Variants in RERE observed in about 807,000 individuals in gnomAD.
RERE encodes the protein arginine-glutamic acid dipeptide repeats.
A neutral mutation model predicts 146.1 loss-of-function variants in RERE; 40 were observed. The observed-to-expected ratio is 0.27, with a 90% CI of 0.21 to 0.36. The LOEUF is 0.36. Among genes scored for constraint, RERE ranks in the 10% least tolerant of loss-of-function variants. The pLI is 1.00. For missense variants in RERE, 1,933 were observed against 2,138.7 expected (o/e 0.90, Z 1.90); for synonymous variants, 1,003 against 866.0 (o/e 1.16, Z -2.78).
chr1:8,451,931 A>T (rs936794793), intron 11 of RERE, among the ~76,000 whole-genome samples: 3 of 151,990 alleles, frequency 2.0e-5, no homozygotes, highest in Non-Finnish European at 2.9e-5. Flanking sequence ...AAAATATATA[A>T]TTTTTCCTCG....
chr1:8,446,807 G>T, intron 11 of RERE, among the ~76,000 whole-genome samples: 1 of 151,918 alleles, frequency 6.6e-6, no homozygotes, highest in East Asian at 1.9e-4. Context: ...CCGAGTAGCT[G>T]GGACTACAGG....
chr1:8,724,890 ACAACT>A (rs1639930446), intron 1 of RERE, among the ~76,000 whole-genome samples: 1 of 148,446 alleles, frequency 6.7e-6, no homozygotes, highest in Non-Finnish European at 1.5e-5. Flanking sequence ...AAAAAAAAAA[ACAACT>A]CAACCTTCTT....
chr1:8,411,401 G>A (rs1294041969), intron 12 of RERE, among the ~76,000 whole-genome samples: 1 of 151,288 alleles, frequency 6.6e-6, no homozygotes, highest in Non-Finnish European at 1.5e-5. Flanking sequence ...CAGCCTCCCA[G>A]GTAGTTGGAA....
intron 4 of RERE, among the ~76,000 whole-genome samples, chr1:8,598,079 G>A (rs1177644544): frequency 6.6e-6 from 1 of 152,092 alleles, no homozygotes; most frequent in Non-Finnish European, 1.5e-5. Context: ...ACTACTCCAG[G>A]CAGCTGAATA....
At chr1:8,788,967 C>A (rs973593328) in intron 1 of RERE, among the ~76,000 whole-genome samples, 2 of 150,826 alleles carry the variant, frequency 1.3e-5, no homozygotes, top group African/African-American at 4.9e-5. Context: ...AAAACTCAGA[C>A]CTGAAGAATA....
At chr1:8,619,238 C>T (rs928384089) in intron 3 of RERE, among the ~76,000 whole-genome samples, 6 of 152,068 alleles carry the variant, frequency 3.9e-5, no homozygotes, top group Non-Finnish European at 8.8e-5. Flanking sequence ...TATGTGGAGC[C>T]GTAACAATAT....
chr1:8,610,040 G>A (rs964193970), intron 4 of RERE, among the ~76,000 whole-genome samples: 3 of 152,062 alleles, frequency 2.0e-5, no homozygotes, highest in Non-Finnish European at 4.4e-5. Context: ...AACTGCTGGG[G>A]ATTACAGGCG....
chr1:8,790,283 T>TA (rs1261984577), intron 1 of RERE, among the ~76,000 whole-genome samples: 5 of 152,124 alleles, frequency 3.3e-5, no homozygotes, highest in African/African-American at 1.2e-4. Flanking sequence ...CAAAAAAAAT[T>TA]AAACATGAGG....
At chr1:8,694,010 C>A in intron 1 of RERE, among the ~76,000 whole-genome samples, 1 of 130,630 alleles carries the variant, frequency 7.7e-6, no homozygotes. Context: ...CAAAACTGAA[C>A]AACACCAATT....
intron 7 of RERE, among the ~76,000 whole-genome samples, chr1:8,537,289 GGAT>G (rs1645738329): frequency 1.3e-5 from 2 of 152,258 alleles, no homozygotes; most frequent in African/African-American, 4.8e-5. Context: ...AAAATCCTTA[GGAT>G]GAGAGGTTTA....
chr1:8,513,742 T>C (rs1645373489), intron 7 of RERE, among the ~76,000 whole-genome samples: 1 of 152,210 alleles, frequency 6.6e-6, no homozygotes, highest in Non-Finnish European at 1.5e-5. Context: ...ATCGTGCCAT[T>C]GTACTCCAGC....
In RERE at chr1:8,490,812, A is replaced by G. The variant is rs956172532; in HGVS notation, c.1104+4251T>C. ...CTGAGGCTGGAAGCAGAAAATGATT[A>G]TAAGAGGCCATGAGGCAACTTTTGG... On this transcript the variant is annotated intron_variant, in intron 10 of 22. Transcript: ENST00000400908. 2.0e-5 allele frequency among the ~76,000 whole-genome samples: 3 copies of G among 150,724 alleles called. 1 individual carries two copies. Among genetic ancestry groups the G allele is most frequent in the Middle Eastern group, 3.4e-3 (1 of 294 alleles).
At chr1:8,516,511 G>A (rs1001791681) in intron 7 of RERE, among the ~76,000 whole-genome samples, 43 of 151,948 alleles carry the variant, frequency 2.8e-4, no homozygotes, top group Non-Finnish European at 5.3e-4. Context: ...TCTTACAGGC[G>A]ACCCTGTAAG....
chr1:8,660,483 T>C (rs75679531), intron 1 of RERE, among the ~76,000 whole-genome samples: 1,994 of 152,322 alleles, frequency 0.013, 47 homozygotes, highest in African/African-American at 0.046. Context: ...TGGACAGAAG[T>C]TGTCATCCTC....
intron 1 of RERE, among the ~76,000 whole-genome samples, chr1:8,800,258 C>CAAAAAAAAAA (rs34669744): frequency 7.0e-6 from 1 of 143,872 alleles, no homozygotes. Flanking sequence ...GACTCTACGT[C>CAAAAAAAAAA]AAAAAAAAAA....
intron 1 of RERE, among the ~76,000 whole-genome samples, chr1:8,694,384 TAAAG>T (rs1174781995): frequency 7.9e-5 from 12 of 152,028 alleles, no homozygotes; most frequent in Non-Finnish European, 1.5e-5. Flanking sequence ...ATAATAGCCA[TAAAG>T]AAAGAAAATA....
At chr1:8,414,417 A>G (rs1643703730) in intron 12 of RERE, among the ~76,000 whole-genome samples, 1 of 151,990 alleles carries the variant, frequency 6.6e-6, no homozygotes, top group Non-Finnish European at 1.5e-5. Context: ...TCAGCTGGGC[A>G]TGGTGGCGCA....
chr1:8,785,971 C>T (rs1641252660), intron 1 of RERE, among the ~76,000 whole-genome samples: 2 of 152,012 alleles, frequency 1.3e-5, no homozygotes, highest in East Asian at 1.9e-4. Flanking sequence ...CATCTCAGAA[C>T]ACATCATTTT....
chr1:8,545,441 A>T (rs1160780575), intron 6 of RERE, among the ~76,000 whole-genome samples: 1 of 152,124 alleles, frequency 6.6e-6, no homozygotes, highest in Non-Finnish European at 1.5e-5. Flanking sequence ...CCTCTTAAGT[A>T]AGGAGACAAT....
Sources: allele counts gnomAD v4.1 joint callset (sites outside exome capture counted in the v4.1 genomes callset), GRCh38; gene constraint gnomAD v4.1.1; transcripts MANE v1.5; gene names NCBI Gene and HGNC (gene_info 2026-07-23, HGNC 2026-07-21).